Variants in UTRN observed in about 807,000 individuals in gnomAD.
The protein encoded by UTRN is utrophin.
Under a neutral mutation model 463.9 loss-of-function variants are expected in UTRN, and 283 were observed. The ratio of observed to expected loss-of-function variants is 0.61; its 90% CI spans 0.55 to 0.67. UTRN has a LOEUF of 0.67. UTRN is among the 30% of genes least tolerant of loss of function. The pLI is 0.00. For synonymous variants in UTRN, 1,442 were observed against 1,431.5 expected, an observed-to-expected ratio of 1.01 and a Z score of -0.17; for missense variants, 3,922 against 4,084.3, an observed-to-expected ratio of 0.96 and a Z score of 1.08.
intron 51 of UTRN, among the ~76,000 whole-genome samples, chr6:144,642,544 A>G (rs1004875081): frequency 6.6e-6 from 1 of 152,198 alleles, no homozygotes; most frequent in African/African-American, 2.4e-5. Flanking sequence ...TACTAGTGAC[A>G]GGAAAGTTCG....
intron 66 of UTRN, among the ~76,000 whole-genome samples, chr6:144,822,033 T>G (rs1325164924): frequency 6.6e-6 from 1 of 152,106 alleles, no homozygotes; most frequent in African/African-American, 2.4e-5. Context: ...GTATAAAAAA[T>G]GTCAAGTGCA....
intron 71 of UTRN, 173 bp downstream of exon 71, chr6:144,836,714 C>T (rs1302088256): frequency 3.0e-6 from 3 of 985,008 alleles, no homozygotes; most frequent in African/African-American, 3.3e-5. Flanking sequence ...TATAAATCCT[C>T]ATTGGCACAC....
chr6:144,338,647 G>C (rs1380334641), intron 2 of UTRN, among the ~76,000 whole-genome samples: 1 of 152,138 alleles, frequency 6.6e-6, no homozygotes, highest in African/African-American at 2.4e-5. Flanking sequence ...GGCTCTGTAG[G>C]AGAGTGATTT....
chr6:144,445,331 ACAAG>A (rs1787557746), intron 14 of UTRN, among the ~76,000 whole-genome samples: 1 of 144,342 alleles, frequency 6.9e-6, no homozygotes, highest in South Asian at 2.3e-4. Flanking sequence ...AGCCTGGGAG[ACAAG>A]AGCGAGACTC....
At chr6:144,586,827 A>C (rs1308907699) in intron 51 of UTRN, among the ~76,000 whole-genome samples, 4 of 152,040 alleles carry the variant, frequency 2.6e-5, no homozygotes, top group Non-Finnish European at 5.9e-5. Context: ...CTGTAAATTG[A>C]CTCCTTCGTG....
intron 2 of UTRN, among the ~76,000 whole-genome samples, chr6:144,356,717 G>A (rs1778578242): frequency 6.6e-6 from 1 of 152,154 alleles, no homozygotes; most frequent in Non-Finnish European, 1.5e-5. Flanking sequence ...GGAGGCTGAG[G>A]CAGGAGAATC....
At chr6:144,820,833 A>G (rs1166561132) in intron 65 of UTRN, 49 bp from the exon 66 acceptor site, 1 of 1,579,692 alleles carries the variant, frequency 6.3e-7, no homozygotes, top group African/African-American at 1.4e-5. Context: ...ATAGATAGTT[A>G]TTGCCTTCCA....
intron 2 of UTRN, chr6:144,331,122 A>C: frequency 1.3e-6 from 1 of 744,724 alleles, no homozygotes; most frequent in Non-Finnish European, 1.6e-6. Context: ...AAAATTACTG[A>C]GTTAACAGAT....
chr6:144,308,408 C>A (rs575508939), intron 2 of UTRN, among the ~76,000 whole-genome samples: 2 of 152,122 alleles, frequency 1.3e-5, no homozygotes, highest in Non-Finnish European at 2.9e-5. Flanking sequence ...GCAATCCTCC[C>A]ACCCTCGGGT....
intron 2 of UTRN, among the ~76,000 whole-genome samples, chr6:144,394,399 C>G (rs1348815473): frequency 6.6e-6 from 1 of 152,122 alleles, no homozygotes; most frequent in Non-Finnish European, 1.5e-5. Flanking sequence ...TCTCATGAGA[C>G]TTATTCATTA....
At chr6:144,564,841 A>G (rs1369728474) in intron 50 of UTRN, among the ~76,000 whole-genome samples, 1 of 152,202 alleles carries the variant, frequency 6.6e-6, no homozygotes, top group African/African-American at 2.4e-5. Context: ...TTGGGTGTGG[A>G]TACAAAACCT....
Position 144,479,806 on chromosome 6 carries a change from T to C in UTRN, c.3337-6T>C. 3 of 1,610,856 alleles carry C rather than the reference T, an allele frequency of 1.9e-6. 1 individual carries two copies. The highest frequency in any genetic ancestry group is 2.2e-5 in the South Asian group (2 of 90,608). On this transcript the variant is annotated splice_region_variant and splice_polypyrimidine_tract_variant and intron_variant, in intron 25 of 74. Transcript: ENST00000367545. ...TTTATTTGGGGGAATGGCTTTTCCT[T>C]TGTAGATCGCTACTCAAAAAAGTAG...
chr6:144,775,063 G>C (rs1404714060), intron 60 of UTRN, among the ~76,000 whole-genome samples: 1 of 152,182 alleles, frequency 6.6e-6, no homozygotes, highest in Admixed American at 6.5e-5. Flanking sequence ...GATGTGGAAA[G>C]TGATATTTAC....
intron 33 of UTRN, 29 bp from the exon 34 acceptor site, chr6:144,499,228 C>T: frequency 6.3e-7 from 1 of 1,596,058 alleles, no homozygotes; most frequent in Non-Finnish European, 8.6e-7. Context: ...ATCTCAGTCT[C>T]AGTCTCTCCC....
intron 23 of UTRN, among the ~76,000 whole-genome samples, chr6:144,466,472 C>T (rs147132432): frequency 4.4e-4 from 67 of 152,176 alleles, no homozygotes; most frequent in Non-Finnish European, 7.6e-4. Flanking sequence ...CAAATACATT[C>T]TTAAGTTCTT....
chr6:144,447,068 A>C, intron 14 of UTRN, 143 bp from the exon 15 acceptor site: 1 of 648,484 alleles, frequency 1.5e-6, no homozygotes, highest in Non-Finnish European at 2.7e-6. Context: ...TTTGTGCCTC[A>C]GACTTAGGTG....
intron 25 of UTRN, among the ~76,000 whole-genome samples, chr6:144,479,229 C>T (rs142975394): frequency 8.6e-5 from 13 of 151,472 alleles, no homozygotes; most frequent in African/African-American, 2.7e-4. Flanking sequence ...GGCAATTCTC[C>T]CGCCTCTACC....
At chr6:144,666,358 G>C (rs1193206063) in intron 51 of UTRN, among the ~76,000 whole-genome samples, 1 of 152,206 alleles carries the variant, frequency 6.6e-6, no homozygotes, top group Non-Finnish European at 1.5e-5. Context: ...CTTTTCAAGT[G>C]AAGAAATTGC....
intron 74 of UTRN, 98 bp downstream of exon 74, chr6:144,846,925 TAAA>T (rs1421933170): frequency 1.0e-4 from 149 of 1,480,834 alleles, no homozygotes; most frequent in Non-Finnish European, 1.2e-4. Flanking sequence ...ATTCTCCATG[TAAA>T]TAAGTAAACT....
Sources: allele counts gnomAD v4.1 joint callset (sites outside exome capture counted in the v4.1 genomes callset), GRCh38; gene constraint gnomAD v4.1.1; transcripts MANE v1.5; gene names NCBI Gene and HGNC (gene_info 2026-07-23, HGNC 2026-07-21).